IL21: variants seen among roughly 807,000 people sequenced by gnomAD.
IL21 encodes interleukin-21.
Under a neutral mutation model 18.4 loss-of-function variants are expected in IL21, and 3 were observed. That is an observed-to-expected ratio of 0.16 (90% CI 0.07 to 0.42). IL21 has a LOEUF of 0.42. Among genes scored for constraint, IL21 ranks in the 10% least tolerant of loss-of-function variants. The probability of loss-of-function intolerance (pLI) is 0.99; values close to 1 mark genes in which losing one functional copy is unlikely to be tolerated. For missense variants in IL21, 130 were observed against 188.4 expected, an observed-to-expected ratio of 0.69 and a Z score of 1.81; for synonymous variants, 37 against 62.0, an observed-to-expected ratio of 0.60 and a Z score of 1.90.
intron 2 of IL21, among the ~76,000 whole-genome samples, chr4:122,617,822 G>T (rs1799360527): frequency 6.6e-6 from 1 of 152,170 alleles, no homozygotes; most frequent in Non-Finnish European, 1.5e-5. Flanking sequence ...TGCGGGAATT[G>T]GCTTTATATG....
intron 3 of IL21, among the ~76,000 whole-genome samples, chr4:122,613,931 T>G (rs2150685488): frequency 6.6e-6 from 1 of 152,186 alleles, no homozygotes; most frequent in East Asian, 1.9e-4. Context: ...GATTGAACAG[T>G]TTTTCATATA....
At chr4:122,617,518 G>C (rs1447317069) in intron 2 of IL21, among the ~76,000 whole-genome samples, 1 of 152,200 alleles carries the variant, frequency 6.6e-6, no homozygotes, top group Non-Finnish European at 1.5e-5. Context: ...CAAAGAAGTA[G>C]AGGGGCCCTG....
intron 2 of IL21, among the ~76,000 whole-genome samples, chr4:122,616,686 T>C (rs1235928812): frequency 6.6e-6 from 1 of 152,108 alleles, no homozygotes; most frequent in Non-Finnish European, 1.5e-5. Context: ...AAATAGCTAA[T>C]GACTAACAAG....
intron 1 of IL21, 41 bp from the exon 2 acceptor site, chr4:122,620,777 C>A (rs750879805): frequency 1.9e-6 from 3 of 1,612,142 alleles, no homozygotes; most frequent in Non-Finnish European, 2.5e-6. Context: ...TTTTTATAAG[C>A]CAAACCCTCC....
In IL21 at chr4:122,611,354, A is replaced by T. The variant is rs1425755703; in HGVS notation, c.*1356T>A. Reference sequence around the variant, plus strand: ...GATTTGATTAAATAATTCTCAATATATCTTTTAGAACTGTAGGTTAAGTCT... The same window carrying T: ...GATTTGATTAAATAATTCTCAATATTTCTTTTAGAACTGTAGGTTAAGTCT... On this transcript the variant is annotated 3_prime_UTR_variant, in exon 5 of 5. Transcript: ENST00000648588. Among the ~76,000 whole-genome samples, 1 of 152,142 alleles carries T rather than the reference A, an allele frequency of 6.6e-6. No homozygotes were observed.
chr4:122,616,973 A>C (rs2150687241), intron 2 of IL21, among the ~76,000 whole-genome samples: 1 of 152,314 alleles, frequency 6.6e-6, no homozygotes, highest in East Asian at 1.9e-4. Context: ...TATACGTAAC[A>C]ATATTACCTG....
intron 2 of IL21, among the ~76,000 whole-genome samples, chr4:122,620,444 G>A (rs1463304234): frequency 1.3e-5 from 2 of 152,100 alleles, no homozygotes; most frequent in Non-Finnish European, 2.9e-5. Context: ...TTCTGTCTCA[G>A]CAATACTACT....
chr4:122,616,462 C>G (rs1799338658), intron 2 of IL21, among the ~76,000 whole-genome samples: 1 of 152,204 alleles, frequency 6.6e-6, no homozygotes. Flanking sequence ...ATTCAATATA[C>G]TTGCCATAGA....
chr4:122,615,749 A>G lies in IL21; in HGVS notation c.293T>C (p.Val98Ala), dbSNP rs372933834. The change falls in exon 3 of 5, where the codon GTA becomes GCA. Residue 98 changes from valine (V) to alanine (A), a missense_variant. By Grantham distance (64) the Val-to-Ala change is moderately conservative (BLOSUM62 0). Coordinates refer to ENST00000648588, the MANE Select transcript of IL21 (RefSeq NM_021803.4). ...NTGNNERIIN[V>A]SIKKLKRKPP... is the part of the protein sequence containing the mutation. ...TTTCCTCTTCAGCTTTTTAATTGAT[A>G]CATTGATTATCCTTTCATTGTTTCC... The G allele has an allele frequency of 1.8e-5, 29 of 1,613,678 alleles. No individual in the cohort carries two copies. The African/African-American group carries it at 2.0e-4, about 11-fold the overall frequency.
In IL21 at chr4:122,615,744, T is replaced by C. The variant is rs746613798; in HGVS notation, c.298A>G (p.Ile100Val). 12 of 1,613,856 alleles carry C rather than the reference T, an allele frequency of 7.4e-6. 1 individual carries two copies. The highest frequency in any genetic ancestry group is 6.6e-5 in the South Asian group (6 of 91,060). Residue 100 changes from isoleucine (I) to valine (V), a missense_variant, in exon 3 of 5, where the codon ATT (isoleucine) becomes GTT (valine). By Grantham distance (29) the Ile-to-Val change is conservative. Transcript: ENST00000648588. ...GNNERIINVS[I>V]KKLKRKPPST... ...GGTGGTTTCCTCTTCAGCTTTTTAA[T>C]TGATACATTGATTATCCTTTCATTG...
At chr4:122,614,449 G>GT (rs67965989) in intron 3 of IL21, among the ~76,000 whole-genome samples, 35,663 of 151,938 alleles carry the variant, frequency 0.23, 4,358 homozygotes, top group Non-Finnish European at 0.27. Context: ...GCTAACACCT[G>GT]TAATCCCAGC....
At chr4:122,613,057 G>A in intron 3 of IL21, 129 bp from the exon 4 acceptor site, 1 of 603,146 alleles carries the variant, frequency 1.7e-6, no homozygotes, top group Non-Finnish European at 2.8e-6. Context: ...ACATAAAACT[G>A]TTTGGAAAGT....
intron 2 of IL21, chr4:122,618,872 G>A (rs932141116): frequency 1.3e-5 from 2 of 150,662 alleles, no homozygotes; most frequent in Admixed American, 6.6e-5. Flanking sequence ...TTTATATCAG[G>A]GTTTCTCAAC....
chr4:122,615,555 A>C, intron 3 of IL21, 127 bp downstream of exon 3: 1 of 781,388 alleles, frequency 1.3e-6, no homozygotes, highest in Admixed American at 2.7e-5. Context: ...CACCATGTAT[A>C]ATAAGGCATA....
At chr4:122,618,506 G>A (rs1260938666) in intron 2 of IL21, among the ~76,000 whole-genome samples, 1 of 151,926 alleles carries the variant, frequency 6.6e-6, no homozygotes, top group Non-Finnish European at 1.5e-5. Context: ...TGCTAATTGG[G>A]CAAGACTACC....
chr4:122,616,087 G>A (rs2150686774), intron 2 of IL21, among the ~76,000 whole-genome samples: 1 of 152,336 alleles, frequency 6.6e-6, no homozygotes, highest in East Asian at 1.9e-4. Flanking sequence ...CTACACAGAG[G>A]ACCATTTTGA....
intron 3 of IL21, among the ~76,000 whole-genome samples, chr4:122,614,705 CA>C (rs901331926): frequency 6.8e-5 from 10 of 147,710 alleles, no homozygotes; most frequent in Admixed American, 6.7e-5. Flanking sequence ...GACTCTGTCT[CA>C]AAAAAAAAAA....
chr4:122,617,913 AGAGTGAAAAGATTAACCTT>A (rs956232175), intron 2 of IL21, among the ~76,000 whole-genome samples: 3 of 152,232 alleles, frequency 2.0e-5, no homozygotes, highest in African/African-American at 7.2e-5. Context: ...ATTGAGAAGG[AGAGTGAAAAGATTAACCTT>A]GATTTAGGCA....
rs905170824 is a variant in IL21 at position 122,612,202 on chromosome 4, A to G, written c.*508T>C. ...TAAATTACATATTTATATGTTAGAC[A>G]TTCTGAGATTTAAAAAACTATTCAG... On this transcript the variant is annotated 3_prime_UTR_variant, in exon 5 of 5. Transcript: ENST00000648588. Among the ~76,000 whole-genome samples the G allele has an allele frequency of 6.6e-6, 1 of 151,932 alleles. No homozygotes were observed. The highest frequency in any genetic ancestry group is 2.4e-5 in the African/African-American group (1 of 41,392).
Sources: gnomAD v4.1 joint callset for allele counts (sites outside exome capture counted in the v4.1 genomes callset) on GRCh38, gnomAD v4.1.1 for gene constraint, MANE v1.5 for transcripts, NCBI Gene and HGNC (gene_info 2026-07-23, HGNC 2026-07-21) for gene names.